The following NUP214 variants were observed in gnomAD, a reference collection of about 807,000 sequenced individuals.
NUP214 encodes the protein nucleoporin 214.
NUP214 carries 79 observed loss-of-function variants against 196.2 expected under a neutral mutation model. The observed-to-expected ratio is 0.40, with a 90% CI of 0.34 to 0.49. The LOEUF (loss-of-function observed/expected upper bound fraction) is 0.49. Among genes scored for constraint, NUP214 ranks in the 20% least tolerant of loss-of-function variants. NUP214 has a pLI of 0.58. For missense variants in NUP214, 2,468 were observed against 2,539.0 expected (o/e 0.97, Z 0.60); for synonymous variants, 1,020 against 990.5 (o/e 1.03, Z -0.56).
At chr9:131,133,338 T>C in intron 7 of NUP214, 129 bp downstream of exon 7, 2 of 569,658 alleles carry the variant, frequency 3.5e-6, no homozygotes, top group Non-Finnish European at 5.9e-6. Context: ...AAGATCTCAC[T>C]CTGTCGCCCA....
chr9:131,192,169 CTTTTTTTTT>C lies in NUP214; in HGVS notation c.3575-21_3575-13del, dbSNP rs66652901. On this transcript the variant is annotated intron_variant, in intron 26 of 35. Coordinates refer to ENST00000359428, the MANE Select transcript of NUP214 (RefSeq NM_005085.4). Reference sequence around the variant, plus strand: ...AGTGTTTCTGTCTTTTTGTAATATTCTTTTTTTTTTTTTTTTTTTTTTTTTTCCATAATT... The same window carrying C: ...AGTGTTTCTGTCTTTTTGTAATATTCTTTTTTTTTTTTTTTTTCCATAATT... The C allele has an allele frequency of 2.4e-4, 109 of 447,460 alleles. No individual in the cohort carries two copies. In the East Asian group the frequency reaches 2.5e-3, roughly 10 times the overall value. 27.7% of individuals were successfully genotyped at this position (447,460 alleles called of 1,614,324 possible). A position where few individuals can be genotyped will look rare whatever the true frequency, so the allele number is the denominator to read the frequency against.
chr9:131,129,458 C>T lies in NUP214; in HGVS notation c.573C>T (p.Ser191=), dbSNP rs373512022. ...ETVKVCATLP[S]TVAVTSVCWS... ...TGAAAGTATGTGCAACTCTTCCTTC[C>T]ACGGTAGCAGTAACCTCTGGTGAGT... is the stretch of plus-strand genomic sequence containing the variant. Residue 191 remains serine (S), a synonymous_variant, in exon 4 of 36, where the codon TCC becomes TCT. Coordinates refer to ENST00000359428, the MANE Select transcript of NUP214 (RefSeq NM_005085.4). The T allele has an allele frequency of 3.1e-6, 5 of 1,614,016 alleles. No individual in the cohort carries two copies. In the African/African-American group the frequency reaches 6.7e-5, roughly 22 times the overall value.
intron 30 of NUP214, among the ~76,000 whole-genome samples, chr9:131,214,196 T>C (rs1834330421): frequency 6.6e-6 from 1 of 152,262 alleles, no homozygotes; most frequent in Admixed American, 6.5e-5. Context: ...GAGTAGAGAT[T>C]AAGTGATTAC....
At chr9:131,151,979 A>G in intron 17 of NUP214, 85 bp downstream of exon 17, 1 of 1,061,254 alleles carries the variant, frequency 9.4e-7, no homozygotes. Flanking sequence ...ATAGATTTGG[A>G]TGATGGCTCT....
At position 131,214,523 on chromosome 9, in the gene NUP214, A is replaced by G. The variant is rs184275914; in HGVS notation, c.5593-689A>G. ...GGAGAGATGACACTTAACTAAGGTG[A>G]ATGGCCCCTCAAATGTAGCCCAGTT... On this transcript the variant is annotated intron_variant, in intron 30 of 35. Coordinates refer to ENST00000359428, the MANE Select transcript of NUP214 (RefSeq NM_005085.4). Among the ~76,000 whole-genome samples the G allele has an allele frequency of 1.9e-3, 290 of 152,302 alleles. 3 individuals are homozygous for G. The highest frequency in any genetic ancestry group is 6.7e-3 in the African/African-American group (277 of 41,552).
chr9:131,205,043 T>C (rs1318631548), intron 30 of NUP214, among the ~76,000 whole-genome samples: 2 of 152,174 alleles, frequency 1.3e-5, no homozygotes, highest in East Asian at 3.9e-4. Flanking sequence ...AGACTTTTTT[T>C]CAGATAAGCA....
intron 9 of NUP214, among the ~76,000 whole-genome samples, chr9:131,138,974 G>A (rs2133472104): frequency 6.6e-6 from 1 of 152,314 alleles, no homozygotes; most frequent in African/African-American, 2.4e-5. Flanking sequence ...AGTTGTCATG[G>A]AAGGTACCTC....
rs752228606 is a variant in NUP214 at position 131,133,165 on chromosome 9, G to T, written c.787G>T (p.Gly263Trp). 2.5e-6 allele frequency: 4 copies of T among 1,600,070 alleles called. No individual in the cohort carries two copies. ...VFAIVYAAADGTLETSPDVVM... is the reference protein window; with the variant it reads ...VFAIVYAAADWTLETSPDVVM... ...CGCCATAGTGTATGCTGCTGCAGAT[G>T]GGACCCTGGAAACGTCTCCAGATGT... The change falls in exon 7 of 36, where the codon GGG becomes TGG. Residue 263 changes from glycine (G) to tryptophan (W), a missense_variant. Physicochemically the swap from Gly to Trp is radical, Grantham distance 184. Around this residue, in one of 5 missense-constraint regions of NUP214, gnomAD observed 392 missense variants for 417.9 expected, o/e 0.94. Transcript: ENST00000359428.
Position 131,234,493 on chromosome 9 carries a change from C to CT in NUP214, c.*1007dup, listed in dbSNP as rs1834960208. 1 of 231,982 alleles carries CT rather than the reference C, an allele frequency of 4.3e-6. No homozygotes were observed. The highest frequency in any genetic ancestry group is 2.2e-5 in the African/African-American group (1 of 45,266). 14.4% of individuals were successfully genotyped at this position (231,982 alleles called of 1,614,324 possible). On this transcript the variant is annotated 3_prime_UTR_variant, in exon 36 of 36. Coordinates refer to ENST00000359428, the MANE Select transcript of NUP214 (RefSeq NM_005085.4). ...ATAGTTGCCATCAAACAAGGACCGT[C>CT]TCGCATTGAAAACAGATGTAAGAAT...
intron 21 of NUP214, chr9:131,167,435 T>A (rs1190248482): frequency 2.0e-5 from 3 of 152,400 alleles, no homozygotes; most frequent in East Asian, 1.9e-4. Flanking sequence ...CAGAAAAGGT[T>A]CTGAATATTC....
chr9:131,192,315 A>G, intron 27 of NUP214, 23 bp downstream of exon 27: 1 of 1,414,482 alleles, frequency 7.1e-7, no homozygotes, highest in Non-Finnish European at 9.8e-7. Flanking sequence ...CTTAAGTTTT[A>G]TGGCAAATTA....
intron 31 of NUP214, among the ~76,000 whole-genome samples, chr9:131,217,795 G>A (rs79153634): frequency 0.015 from 2,337 of 152,254 alleles, 30 homozygotes; most frequent in Non-Finnish European, 0.026. Flanking sequence ...ATAAACATTC[G>A]TTTACTCATC....
rs534670364 is a variant in NUP214, at chr9:131,231,908, A to G, written c.6215-376A>G. Among the ~76,000 whole-genome samples the G allele has an allele frequency of 1.2e-3, 170 of 145,430 alleles. No homozygotes were observed. The South Asian group carries it at 0.022, about 18-fold the overall frequency. On this transcript the variant is annotated intron_variant, in intron 34 of 35. Transcript: ENST00000359428. ...GAAGCAAATGGATGGAAAAACAACA[A>G]CAGCAAAAAAAAAAAAAAAAAAAAA...
At chr9:131,164,359 T>C (rs1445950880) in intron 21 of NUP214, 1 of 557,222 alleles carries the variant, frequency 1.8e-6, no homozygotes, top group Non-Finnish European at 3.2e-6. Flanking sequence ...TTATATATAC[T>C]TGATGAAGCA....
At chr9:131,219,615 G>A (rs1834501372) in intron 31 of NUP214, among the ~76,000 whole-genome samples, 1 of 152,200 alleles carries the variant, frequency 6.6e-6, no homozygotes, top group African/African-American at 2.4e-5. Context: ...AACCCATGGA[G>A]ACATCTAAAA....
At chr9:131,133,343 C>A (rs55870279) in intron 7 of NUP214, 134 bp downstream of exon 7, 5 of 549,440 alleles carry the variant, frequency 9.1e-6, no homozygotes, top group Non-Finnish European at 1.5e-5. Flanking sequence ...CTCACTCTGT[C>A]GCCCAGGCTA....
chr9:131,198,198 C>A lies in NUP214; in HGVS notation c.4704C>A (p.Thr1568=), dbSNP rs1470482602. 1 of 1,614,074 alleles carries A rather than the reference C, an allele frequency of 6.2e-7. No homozygotes were observed. The highest frequency in any genetic ancestry group is 1.3e-5 in the African/African-American group (1 of 74,920). Residue 1568 remains threonine, a synonymous_variant, in exon 29 of 36, where the codon ACC becomes ACA. Coordinates refer to ENST00000359428, the MANE Select transcript of NUP214 (RefSeq NM_005085.4). ...TSLVALSAEA[T]PATTGVPDAR... Reference sequence around the variant, plus strand: ...TTGTAGCACTTTCTGCAGAGGCTACCCCAGCCACCACGGGGGTCCCTGATG... The same window carrying A: ...TTGTAGCACTTTCTGCAGAGGCTACACCAGCCACCACGGGGGTCCCTGATG...
Position 131,146,116 on chromosome 9 carries a change from T to G in NUP214, c.1770-13T>G, listed in dbSNP as rs770724850. Reference sequence around the variant, plus strand: ...GCAGGCTCTTCTGAGGCCTTCAGGCTGCCATTTTTCAGGTTTACTGCTGCA... The same window carrying G: ...GCAGGCTCTTCTGAGGCCTTCAGGCGGCCATTTTTCAGGTTTACTGCTGCA... On this transcript the variant is annotated splice_polypyrimidine_tract_variant and intron_variant, in intron 12 of 35. Coordinates refer to ENST00000359428, the MANE Select transcript of NUP214 (RefSeq NM_005085.4). This position sits in a 1 kb window ranked among gnomAD's most constrained non-coding sequence, Gnocchi z 4.6. 2 of 1,613,986 alleles carry G rather than the reference T, an allele frequency of 1.2e-6. No individual in the cohort carries two copies. The highest frequency in any genetic ancestry group is 1.7e-5 in the Admixed American group (1 of 60,014).
In NUP214 at chr9:131,150,311, C is replaced by T. The variant is rs1421468105; in HGVS notation, c.2041-13C>T. ...ATGACTTGCAGTTTTTAAACCTTTT[C>T]CTTCCATTTCAGGCAAAGTCACTTC... On this transcript the variant is annotated splice_polypyrimidine_tract_variant and intron_variant, in intron 14 of 35. Coordinates refer to ENST00000359428, the MANE Select transcript of NUP214 (RefSeq NM_005085.4). 2 of 1,613,510 alleles carry T rather than the reference C, an allele frequency of 1.2e-6. No individual in the cohort carries two copies. The highest frequency in any genetic ancestry group is 3.3e-5 in the Admixed American group (2 of 60,010).
Sources: allele counts gnomAD v4.1 joint callset (sites outside exome capture counted in the v4.1 genomes callset), GRCh38; gene constraint gnomAD v4.1.1; regional missense constraint gnomAD v4.1.1; non-coding constraint Gnocchi (gnomAD v3.1); transcripts MANE v1.5; gene names NCBI Gene and HGNC (gene_info 2026-07-23, HGNC 2026-07-21).